Variants in NTN1 observed in about 807,000 individuals in gnomAD.
NTN1 encodes the protein netrin-1.
A neutral mutation model predicts 54.2 loss-of-function variants in NTN1; 11 were observed. The ratio of observed to expected loss-of-function variants is 0.20; its 90% CI spans 0.13 to 0.34. NTN1 has a LOEUF of 0.34. NTN1 is among the 10% of genes least tolerant of loss of function. The pLI is 1.00. For synonymous variants in NTN1, 371 were observed against 382.0 expected, an observed-to-expected ratio of 0.97 and a Z score of 0.33; for missense variants, 740 against 893.1, an observed-to-expected ratio of 0.83 and a Z score of 2.18.
chr17:9,180,185 C>T (rs1320283693), intron 4 of NTN1, among the ~76,000 whole-genome samples: 1 of 152,256 alleles, frequency 6.6e-6, no homozygotes, highest in Non-Finnish European at 1.5e-5. Flanking sequence ...ATTACAGGCG[C>T]AAGCCTTCAT....
chr17:9,039,840 T>TG (rs1016208178), intron 2 of NTN1, among the ~76,000 whole-genome samples: 10 of 152,170 alleles, frequency 6.6e-5, no homozygotes, highest in African/African-American at 1.2e-4. Context: ...TTTTTATTTC[T>TG]GGGGGGGTAT....
Position 9,022,706 on chromosome 17 carries a change from C to T in NTN1, c.333C>T (p.Leu111=). Residue 111 remains leucine, a synonymous_variant, in exon 2 of 7, where the codon CTC becomes CTT. Coordinates refer to ENST00000173229, the MANE Select transcript of NTN1 (RefSeq NM_004822.3). ...ACCCGCCCGCCTTCCTCACCGACCT[C>T]AACAACCCGCACAACCTGACGTGCT... is the stretch of plus-strand genomic sequence containing the variant. ...KAHPPAFLTD[L]NNPHNLTCWQ... is the part of the protein sequence containing the mutation. 3 of 1,600,862 alleles carry T rather than the reference C, an allele frequency of 1.9e-6. No homozygotes were observed. The highest frequency in any genetic ancestry group is 2.6e-6 in the Non-Finnish European group (3 of 1,174,730).
chr17:9,054,945 T>G (rs2091974415), intron 2 of NTN1, among the ~76,000 whole-genome samples: 2 of 152,060 alleles, frequency 1.3e-5, no homozygotes, highest in Admixed American at 1.3e-4. Context: ...ACAATAGCGG[T>G]TTTAATGGAC....
intron 2 of NTN1, among the ~76,000 whole-genome samples, chr17:9,051,291 G>T (rs1597470216): frequency 1.3e-5 from 2 of 152,196 alleles, no homozygotes; most frequent in East Asian, 3.8e-4. Flanking sequence ...TCGCAGACAG[G>T]CCCCACCATC....
intron 2 of NTN1, among the ~76,000 whole-genome samples, chr17:9,045,582 C>T (rs572892358): frequency 6.6e-6 from 1 of 152,112 alleles, no homozygotes; most frequent in South Asian, 2.1e-4. Flanking sequence ...TCACAGAATA[C>T]CAGAACCATG....
chr17:9,182,488 G>A (rs993754209), intron 4 of NTN1, among the ~76,000 whole-genome samples: 14 of 152,190 alleles, frequency 9.2e-5, no homozygotes, highest in East Asian at 1.9e-4. Flanking sequence ...AGCCCCTTGC[G>A]TGCTATCCTG....
At chr17:9,234,035 G>T (rs1905898689) in intron 6 of NTN1, among the ~76,000 whole-genome samples, 1 of 152,210 alleles carries the variant, frequency 6.6e-6, no homozygotes, top group South Asian at 2.1e-4. Flanking sequence ...GGCTGCCCTT[G>T]TTGACTCTGG....
chr17:9,164,013 C>T (rs934655143), intron 3 of NTN1, among the ~76,000 whole-genome samples: 3 of 152,242 alleles, frequency 2.0e-5, no homozygotes, highest in East Asian at 3.8e-4. Context: ...GCCCAGGTGG[C>T]GTCCTGCAGG....
intron 2 of NTN1, among the ~76,000 whole-genome samples, chr17:9,031,350 G>T (rs8065855): frequency 6.6e-6 from 1 of 152,034 alleles, no homozygotes; most frequent in Non-Finnish European, 1.5e-5. Flanking sequence ...TGGGGCGGCC[G>T]TGGTGAGTAC....
At chr17:9,124,120 C>T (rs1199335878) in intron 2 of NTN1, among the ~76,000 whole-genome samples, 1 of 152,184 alleles carries the variant, frequency 6.6e-6, no homozygotes, top group African/African-American at 2.4e-5. Flanking sequence ...TCACCAGGTC[C>T]CTCTGTTCCA....
chr17:9,120,999 G>A (rs577119455), intron 2 of NTN1, among the ~76,000 whole-genome samples: 3 of 152,166 alleles, frequency 2.0e-5, no homozygotes, highest in Non-Finnish European at 2.9e-5. Context: ...ATCAGGGACC[G>A]CAAGGATTAA....
At chr17:9,079,795 A>G (rs1396050125) in intron 2 of NTN1, among the ~76,000 whole-genome samples, 1 of 145,742 alleles carries the variant, frequency 6.9e-6, no homozygotes, top group South Asian at 2.2e-4. Context: ...GTTCCTCAGC[A>G]GGCCTGTTTC....
intron 3 of NTN1, among the ~76,000 whole-genome samples, chr17:9,166,393 G>T (rs2092373519): frequency 6.8e-6 from 1 of 146,970 alleles, no homozygotes; most frequent in Admixed American, 6.9e-5. Flanking sequence ...CCAGGCTGGA[G>T]TGCAGTGGTG....
chr17:9,155,082 C>G (rs1308942737), intron 2 of NTN1, among the ~76,000 whole-genome samples: 1 of 152,190 alleles, frequency 6.6e-6, no homozygotes, highest in Non-Finnish European at 1.5e-5. Flanking sequence ...CTTCTCAGGC[C>G]CTGTCCTCTC....
At chr17:9,118,442 C>G (rs2092221705) in intron 2 of NTN1, among the ~76,000 whole-genome samples, 1 of 152,138 alleles carries the variant, frequency 6.6e-6, no homozygotes, top group African/African-American at 2.4e-5. Flanking sequence ...CACTTGAACC[C>G]AGGAGTTTGC....
chr17:9,193,175 T>G (rs1904515789), intron 5 of NTN1, among the ~76,000 whole-genome samples: 1 of 152,154 alleles, frequency 6.6e-6, no homozygotes, highest in African/African-American at 2.4e-5. Flanking sequence ...AGCTTTTATG[T>G]GCCTGGTCAT....
intron 5 of NTN1, among the ~76,000 whole-genome samples, chr17:9,202,218 A>G (rs1904820253): frequency 6.6e-6 from 1 of 151,882 alleles, no homozygotes; most frequent in African/African-American, 2.4e-5. Context: ...TCCAGCCTGG[A>G]TGACAGAGTG....
chr17:9,218,726 TC>T (rs931935047), intron 5 of NTN1, among the ~76,000 whole-genome samples: 3 of 152,008 alleles, frequency 2.0e-5, no homozygotes, highest in African/African-American at 7.2e-5. Flanking sequence ...GGCACCGCAG[TC>T]CCTCCCTCAA....
chr17:9,086,882 A>G (rs954293004), intron 2 of NTN1, among the ~76,000 whole-genome samples: 1 of 151,918 alleles, frequency 6.6e-6, no homozygotes, highest in South Asian at 2.1e-4. Flanking sequence ...CTCCTTCTCA[A>G]TATCACCATC....
Sources: gnomAD v4.1 joint callset for allele counts (sites outside exome capture counted in the v4.1 genomes callset) on GRCh38, gnomAD v4.1.1 for gene constraint, MANE v1.5 for transcripts, NCBI Gene and HGNC (gene_info 2026-07-23, HGNC 2026-07-21) for gene names.